Variants in PRICKLE2 observed in about 807,000 individuals in gnomAD.
The protein encoded by PRICKLE2 is prickle planar cell polarity protein 2, also known as prickle-like protein 2.
In PRICKLE2, 21 loss-of-function variants were observed where a neutral mutation model predicts 81.4. The observed-to-expected ratio is 0.26, with a 90% CI of 0.18 to 0.37. PRICKLE2 has a LOEUF of 0.37. Ranked by LOEUF, PRICKLE2 falls within the 10% of genes least tolerant of loss-of-function variation. The probability of loss-of-function intolerance (pLI) is 1.00; values close to 1 mark genes in which losing one functional copy is unlikely to be tolerated. For synonymous variants in PRICKLE2, 456 were observed against 421.5 expected, an observed-to-expected ratio of 1.08 and a Z score of -1.00; for missense variants, 940 against 1,109.0, an observed-to-expected ratio of 0.85 and a Z score of 2.16.
intron 2 of PRICKLE2, among the ~76,000 whole-genome samples, chr3:64,179,230 C>A (rs1038434736): frequency 2.0e-5 from 3 of 151,938 alleles, no homozygotes; most frequent in Admixed American, 2.0e-4. Context: ...GCATGTACCA[C>A]CATGCCTGGC....
chr3:64,257,679 C>G (rs1157671293), intron 2 of PRICKLE2, among the ~76,000 whole-genome samples: 1 of 152,056 alleles, frequency 6.6e-6, no homozygotes, highest in Non-Finnish European at 1.5e-5. Context: ...TTCAACACAT[C>G]AAGAGAATGT....
rs2107014941 is a variant in PRICKLE2, at chr3:64,146,975, C to T, written c.1515G>A (p.Glu505=). ...RGSIQVPKYE[E]EEEEEGGLST... ...ACAAGCCCCCTTCCTCTTCCTCTTC[C>T]TCCTCATATTTGGGGACTTGGATGC... Residue 505 remains glutamate (E), a synonymous_variant, in exon 7 of 8, where the codon GAG becomes GAA. Coordinates refer to ENST00000638394, the MANE Select transcript of PRICKLE2 (RefSeq NM_198859.4). The T allele has an allele frequency of 1.2e-6, 2 of 1,614,088 alleles. No individual in the cohort carries two copies. The highest frequency in any genetic ancestry group is 2.2e-5 in the East Asian group (1 of 44,862).
At chr3:64,198,211 AAAATAAAT>A (rs71099792) in intron 2 of PRICKLE2, among the ~76,000 whole-genome samples, 6,686 of 145,104 alleles carry the variant, frequency 0.046, 395 homozygotes, top group African/African-American at 0.14. Context: ...GACTCTATCT[AAAATAAAT>A]AAATAAATAA....
intron 2 of PRICKLE2, among the ~76,000 whole-genome samples, chr3:64,190,973 G>A (rs2078322342): frequency 6.6e-6 from 1 of 152,046 alleles, no homozygotes; most frequent in African/African-American, 2.4e-5. Context: ...AGCCTGCTTG[G>A]GGCATTAGAG....
intron 7 of PRICKLE2, among the ~76,000 whole-genome samples, chr3:64,141,353 G>A (rs895848613): frequency 6.6e-6 from 1 of 152,226 alleles, no homozygotes; most frequent in Non-Finnish European, 1.5e-5. Flanking sequence ...TGTAAAATGG[G>A]AATAACAACC....
Position 64,158,934 on chromosome 3 carries a change from G to C in PRICKLE2, c.396+1006C>G, listed in dbSNP as rs187055027. 1.1e-4 allele frequency among the ~76,000 whole-genome samples: 16 copies of C among 152,254 alleles called. 1 individual carries two copies. Among genetic ancestry groups the C allele is most frequent in the Admixed American group, 9.2e-4 (14 of 15,294 alleles). On this transcript the variant is annotated intron_variant, in intron 4 of 7. Transcript: ENST00000638394. ...CTTTGATCCAGTTAACATATCTTCA[G>C]CTCTCAAGGGGTCTACGCAGAGCTT...
At chr3:64,249,912 G>A (rs1289873224) in intron 2 of PRICKLE2, among the ~76,000 whole-genome samples, 1 of 152,196 alleles carries the variant, frequency 6.6e-6, no homozygotes, top group Admixed American at 6.5e-5. Context: ...GCTTTCACAT[G>A]GCATTTCTAA....
chr3:64,188,474 T>G (rs1342195567), intron 2 of PRICKLE2, among the ~76,000 whole-genome samples: 1 of 152,220 alleles, frequency 6.6e-6, no homozygotes, highest in Non-Finnish European at 1.5e-5. Flanking sequence ...TCTGGTTTAT[T>G]TGGTCTGGGG....
intron 2 of PRICKLE2, among the ~76,000 whole-genome samples, chr3:64,234,986 T>C (rs1385971046): frequency 6.6e-6 from 1 of 152,186 alleles, no homozygotes; most frequent in South Asian, 2.1e-4. Context: ...TCTCCTCTTT[T>C]ACTTGTCCCA....
intron 2 of PRICKLE2, among the ~76,000 whole-genome samples, chr3:64,164,724 A>G (rs2077797789): frequency 6.6e-6 from 1 of 152,208 alleles, no homozygotes. Flanking sequence ...CCCTCCCTAT[A>G]GGCAGCTGGC....
At chr3:64,173,416 ATAAAT>A (rs1159582900) in intron 2 of PRICKLE2, among the ~76,000 whole-genome samples, 2 of 152,214 alleles carry the variant, frequency 1.3e-5, no homozygotes, top group Non-Finnish European at 2.9e-5. Flanking sequence ...GTGGAATAGG[ATAAAT>A]TAAATAGGAA....
rs747542060 is a variant in PRICKLE2, at chr3:64,099,577, C to T, written c.2009G>A (p.Arg670Gln). 1.8e-5 allele frequency: 29 copies of T among 1,613,290 alleles called. No individual in the cohort carries two copies. The highest frequency in any genetic ancestry group is 2.2e-5 in the Non-Finnish European group (26 of 1,179,694). Residue 670 changes from arginine (R) to glutamine (Q), a missense_variant, in exon 8 of 8, where the codon CGG becomes CAG. Arg to Gln is a conservative substitution (Grantham distance 43). Transcript: ENST00000638394. This position sits in a 1 kb window ranked among gnomAD's most constrained non-coding sequence, Gnocchi z 4.3. ...GTCGTCGCGTGAAGTAGCTCTTCTC[C>T]GGGTGCGTTCACTCATGGGCTGGAT... The part of the protein sequence containing the change: ...VRIQPMSERT[R>Q]RRATSRDDNR...
At chr3:64,141,175 A>G (rs1006286298) in intron 7 of PRICKLE2, among the ~76,000 whole-genome samples, 2 of 152,242 alleles carry the variant, frequency 1.3e-5, no homozygotes, top group Non-Finnish European at 2.9e-5. Context: ...GTTACAATCA[A>G]CATCAGAAGC....
intron 7 of PRICKLE2, among the ~76,000 whole-genome samples, chr3:64,118,354 T>C (rs2076971824): frequency 6.6e-6 from 1 of 152,142 alleles, no homozygotes; most frequent in African/African-American, 2.4e-5. Context: ...TGGGATCTAA[T>C]TAAACTAAAG....
At chr3:64,228,109 A>G (rs2079054261), upstream of PRICKLE2, among the ~76,000 whole-genome samples, 1 of 152,184 alleles carries the variant, frequency 6.6e-6, no homozygotes, top group Non-Finnish European at 1.5e-5. Context: ...TATTTTTGAG[A>G]TGAATACATG....
chr3:64,170,741 G>GGT (rs954501367), intron 2 of PRICKLE2, among the ~76,000 whole-genome samples: 1 of 151,042 alleles, frequency 6.6e-6, no homozygotes, highest in Non-Finnish European at 1.5e-5. Flanking sequence ...TGGCTGTGGT[G>GGT]GTGCACACCT....
intron 7 of PRICKLE2, among the ~76,000 whole-genome samples, chr3:64,113,805 G>A (rs2076889227): frequency 6.6e-6 from 1 of 151,498 alleles, no homozygotes; most frequent in Non-Finnish European, 1.5e-5. Flanking sequence ...GCAGGGCACA[G>A]AGAAGGCACC....
chr3:64,186,833 G>A (rs973532305), intron 2 of PRICKLE2, among the ~76,000 whole-genome samples: 1 of 152,138 alleles, frequency 6.6e-6, no homozygotes, highest in South Asian at 2.1e-4. Context: ...TATCTCCTGC[G>A]TCATAAGGCA....
At chr3:64,228,126 CCATTCATTCATATATCCATT>C (rs768092658), upstream of PRICKLE2, among the ~76,000 whole-genome samples, 321 of 152,286 alleles carry the variant, frequency 2.1e-3, 1 homozygote, top group Non-Finnish European at 3.0e-3. Context: ...CATGCTTCAC[CCATTCATTCATATATCCATT>C]CACTCATTAA....
Sources: allele counts gnomAD v4.1 joint callset (sites outside exome capture counted in the v4.1 genomes callset), GRCh38; gene constraint gnomAD v4.1.1; non-coding constraint Gnocchi (gnomAD v3.1); transcripts MANE v1.5; gene names NCBI Gene and HGNC (gene_info 2026-07-23, HGNC 2026-07-21).